SGCD: variants seen among roughly 807,000 people sequenced by gnomAD.
SGCD encodes the protein delta-sarcoglycan.
SGCD carries 18 observed loss-of-function variants against 36.6 expected under a neutral mutation model. That is an observed-to-expected ratio of 0.49 (90% confidence interval 0.34 to 0.73). The LOEUF is 0.73. SGCD is among the 30% of genes least tolerant of loss of function. The pLI is 0.01. For missense variants in SGCD, 387 were observed against 346.7 expected, an observed-to-expected ratio of 1.12 and a Z score of -0.92; for synonymous variants, 133 against 130.6, an observed-to-expected ratio of 1.02 and a Z score of -0.12.
chr5:156,212,356 T>TATATC (rs368888582), intron 3 of SGCD, among the ~76,000 whole-genome samples: 28 of 152,180 alleles, frequency 1.8e-4, no homozygotes, highest in Middle Eastern at 6.8e-3. Flanking sequence ...TAGCTATACT[T>TATATC]AGATAAAATA....
intron 1 of SGCD, among the ~76,000 whole-genome samples, chr5:155,948,060 T>A (rs962746756): frequency 6.6e-6 from 1 of 152,188 alleles, no homozygotes; most frequent in African/African-American, 2.4e-5. Flanking sequence ...GCAGATCACC[T>A]GAGGTCAGGA....
intron 3 of SGCD, among the ~76,000 whole-genome samples, chr5:156,437,320 G>A (rs1322273066): frequency 6.6e-6 from 1 of 152,054 alleles, no homozygotes; most frequent in African/African-American, 2.4e-5. Flanking sequence ...CTTCAAAGGG[G>A]AGTATTCATA....
intron 7 of SGCD, among the ~76,000 whole-genome samples, chr5:156,696,529 A>C (rs1215167123): frequency 1.3e-5 from 2 of 152,062 alleles, no homozygotes; most frequent in Admixed American, 1.3e-4. Context: ...GCTTTTTTTG[A>C]GGGTAAGTCT....
chr5:155,882,411 A>G (rs1430772078), intron 1 of SGCD, among the ~76,000 whole-genome samples: 2 of 152,194 alleles, frequency 1.3e-5, no homozygotes, highest in Admixed American at 6.5e-5. Context: ...AGCATGGTGA[A>G]TTATTTCCAG....
In SGCD at chr5:156,129,125, T is replaced by C. The variant is rs532128946; in HGVS notation, c.-44+5106T>C. On this transcript the variant is annotated intron_variant, in intron 3 of 9. Coordinates refer to the SGCD transcript ENST00000517913. Reference sequence around the variant, plus strand: ...GAAATGTTCTGTGTCTTGATATGCATTATCAAAGCTGATTAAATGATACAC... The same window carrying C: ...GAAATGTTCTGTGTCTTGATATGCACTATCAAAGCTGATTAAATGATACAC... Among the ~76,000 whole-genome samples, 12 of 152,322 alleles carry C rather than the reference T, an allele frequency of 7.9e-5. No homozygotes were observed. The South Asian group carries it at 2.5e-3, about 32-fold the overall frequency.
the SGCD span, among the ~76,000 whole-genome samples, chr5:155,793,638 T>C: frequency 6.6e-6 from 1 of 151,068 alleles, no homozygotes; most frequent in Non-Finnish European, 1.5e-5. Flanking sequence ...ACGTCCTGGG[T>C]TCAAGCAATT....
chr5:155,970,042 G>A (rs1581018732), intron 1 of SGCD, among the ~76,000 whole-genome samples: 1 of 151,728 alleles, frequency 6.6e-6, no homozygotes, highest in African/African-American at 2.4e-5. Flanking sequence ...ACAACCTAAC[G>A]ATAAGTTAGG....
At chr5:156,334,808 G>A (rs896258545) in intron 2 of SGCD, among the ~76,000 whole-genome samples, 2 of 152,036 alleles carry the variant, frequency 1.3e-5, no homozygotes, top group African/African-American at 4.8e-5. Flanking sequence ...CTTGAACAGC[G>A]TCAGGGGAGG....
chr5:156,029,108 G>A (rs1759286709), intron 1 of SGCD, among the ~76,000 whole-genome samples: 1 of 151,982 alleles, frequency 6.6e-6, no homozygotes, highest in African/African-American at 2.4e-5. Flanking sequence ...CTTTGAATTT[G>A]AATACAAACC....
chr5:156,115,059 T>C (rs1036438992), intron 1 of SGCD, among the ~76,000 whole-genome samples: 2 of 152,146 alleles, frequency 1.3e-5, no homozygotes, highest in African/African-American at 4.8e-5. Flanking sequence ...TAGCAAATCT[T>C]AAGATTTTGC....
the SGCD span, among the ~76,000 whole-genome samples, chr5:155,742,603 C>T: frequency 6.6e-6 from 1 of 152,186 alleles, no homozygotes; most frequent in East Asian, 1.9e-4. Flanking sequence ...CGTTACAAGC[C>T]TCAACGTAGA....
chr5:156,691,392 T>C (rs1305977234), intron 7 of SGCD, among the ~76,000 whole-genome samples: 1 of 152,008 alleles, frequency 6.6e-6, no homozygotes, highest in East Asian at 1.9e-4. Context: ...ACCACACAAA[T>C]GTAGAGCACT....
chr5:156,100,732 A>T (rs988704047), intron 1 of SGCD, among the ~76,000 whole-genome samples: 3 of 152,232 alleles, frequency 2.0e-5, no homozygotes, highest in Non-Finnish European at 2.9e-5. Flanking sequence ...GAAGGAAGAT[A>T]TAAAGATGAA....
At chr5:156,353,055 G>T (rs1054107182) in intron 3 of SGCD, among the ~76,000 whole-genome samples, 1 of 152,318 alleles carries the variant, frequency 6.6e-6, no homozygotes, top group African/African-American at 2.4e-5. Context: ...TGGACACATT[G>T]TAAAACAGTA....
intron 6 of SGCD, among the ~76,000 whole-genome samples, chr5:156,595,657 T>C (rs1247309633): frequency 6.6e-6 from 1 of 152,228 alleles, no homozygotes; most frequent in African/African-American, 2.4e-5. Flanking sequence ...ATTTAGAACA[T>C]CCTGTACTCA....
At chr5:156,128,399 G>A (rs1197485515) in intron 3 of SGCD, among the ~76,000 whole-genome samples, 1 of 152,090 alleles carries the variant, frequency 6.6e-6, no homozygotes, top group African/African-American at 2.4e-5. Context: ...TTATCAGACA[G>A]GATTGAAAAC....
At chr5:155,909,384 A>G (rs1262972924) in intron 1 of SGCD, among the ~76,000 whole-genome samples, 1 of 152,134 alleles carries the variant, frequency 6.6e-6, no homozygotes, top group Non-Finnish European at 1.5e-5. Flanking sequence ...TCCTGGTGGA[A>G]CACTGCTGTA....
the SGCD span, among the ~76,000 whole-genome samples, chr5:155,849,784 A>G: frequency 6.6e-6 from 1 of 152,212 alleles, no homozygotes; most frequent in Non-Finnish European, 1.5e-5. Context: ...GTATTAATAG[A>G]CACCCCAAAT....
chr5:156,587,109 C>G (rs1176911675), intron 4 of SGCD, among the ~76,000 whole-genome samples: 2 of 152,172 alleles, frequency 1.3e-5, no homozygotes, highest in Non-Finnish European at 2.9e-5. Flanking sequence ...TGAACCTTTA[C>G]TTTACAAGGT....
Sources: gnomAD v4.1 joint callset for allele counts (sites outside exome capture counted in the v4.1 genomes callset) on GRCh38, gnomAD v4.1.1 for gene constraint, MANE v1.5 for transcripts, NCBI Gene and HGNC (gene_info 2026-07-23, HGNC 2026-07-21) for gene names.